The following USP42 variants were observed in gnomAD, a reference collection of about 807,000 sequenced individuals.
The protein encoded by USP42 is ubiquitin specific peptidase 42, also known as ubiquitin carboxyl-terminal hydrolase 42.
In USP42, 23 loss-of-function variants were observed where a neutral mutation model predicts 113.0. That is an observed-to-expected ratio of 0.20 (90% CI 0.15 to 0.29). USP42 has a LOEUF of 0.29. Ranked by LOEUF, USP42 falls within the 10% of genes least tolerant of loss-of-function variation. USP42 has a pLI of 1.00. For missense variants in USP42, 2,174 were observed against 1,779.8 expected (o/e 1.22, Z -3.99); for synonymous variants, 933 against 699.0 (o/e 1.33, Z -5.28).
chr7:6,085,736 T>A, the USP42 span, among the ~76,000 whole-genome samples: 1 of 150,582 alleles, frequency 6.6e-6, no homozygotes, highest in South Asian at 2.1e-4. Context: ...TGCCTCAGCT[T>A]CCTGAGTATC....
In USP42 at chr7:6,156,701, C is replaced by T. The variant is rs550282394; in HGVS notation, c.3642-53C>T. ...TGGAAAGGCCAAGCTCCAGGGTCTG[C>T]TGCTGGTGGTTTTGTGTTTTAGGGT... is the stretch of plus-strand genomic sequence containing the variant. On this transcript the variant is annotated intron_variant, in intron 15 of 17. Coordinates refer to ENST00000306177, the MANE Select transcript of USP42 (RefSeq NM_032172.3). 25 of 1,482,704 alleles carry T rather than the reference C, an allele frequency of 1.7e-5. No homozygotes were observed. In the South Asian group the frequency reaches 3.5e-4, roughly 21 times the overall value. 91.8% of individuals were successfully genotyped at this position (1,482,704 alleles called of 1,614,324 possible).
At chr7:6,114,674 ATATATTTTTTTTTTTT>A (rs1401696094) in intron 2 of USP42, among the ~76,000 whole-genome samples, 12 of 34,812 alleles carry the variant, frequency 3.4e-4, no homozygotes, top group African/African-American at 5.8e-4. Flanking sequence ...ATATATATAT[ATATATTTTTTTTTTTT>A]TTTTTTTTTT....
rs947475281 is a variant in USP42 at position 6,159,349 on chromosome 7, G to T, written c.3944-101G>T. 1 of 1,510,244 alleles carries T rather than the reference G, an allele frequency of 6.6e-7. No homozygotes were observed. The highest frequency in any genetic ancestry group is 9.1e-7 in the Non-Finnish European group (1 of 1,095,498). The allele number at this position is 1,510,244 out of a possible 1,614,324, so 93.6% of individuals were successfully genotyped here. A position where few individuals can be genotyped will look rare whatever the true frequency, so the allele number is the denominator to read the frequency against. ...TGGCCTCAGGCGCTCACAGGGAACC[G>T]CAGTGACTCTGACCATAGCCACTTA... On this transcript the variant is annotated intron_variant, in intron 16 of 17. Coordinates refer to ENST00000306177, the MANE Select transcript of USP42 (RefSeq NM_032172.3). This position sits in a 1 kb window ranked among gnomAD's most constrained non-coding sequence, Gnocchi z 4.1.
At chr7:6,148,185 A>G (rs938048971) in intron 12 of USP42, among the ~76,000 whole-genome samples, 1 of 152,102 alleles carries the variant, frequency 6.6e-6, no homozygotes, top group Non-Finnish European at 1.5e-5. Flanking sequence ...AAAAAATACA[A>G]GTATCAGCCG....
intron 3 of USP42, among the ~76,000 whole-genome samples, chr7:6,129,276 C>A (rs62454270): frequency 0.021 from 3,219 of 152,262 alleles, 52 homozygotes; most frequent in Middle Eastern, 0.034. Context: ...TTCTTCTAGG[C>A]CAGGCGTGGT....
At chr7:6,149,320 C>G in intron 12 of USP42, among the ~76,000 whole-genome samples, 1 of 152,150 alleles carries the variant, frequency 6.6e-6, no homozygotes, top group East Asian at 1.9e-4. Flanking sequence ...AGATCTGGGA[C>G]AGAACGAGTT....
chr7:6,130,449 C>G (rs919854370), intron 3 of USP42, among the ~76,000 whole-genome samples: 3 of 151,810 alleles, frequency 2.0e-5, no homozygotes, highest in African/African-American at 7.3e-5. Flanking sequence ...GCTGGGGAGG[C>G]CATAGTGGTG....
rs1781514168 is a variant in USP42, at chr7:6,142,963, A to G, written c.827A>G (p.Gln276Arg). 1 of 1,613,900 alleles carries G rather than the reference A, an allele frequency of 6.2e-7. No individual in the cohort carries two copies. Among genetic ancestry groups the G allele is most frequent in the Admixed American group, 1.7e-5 (1 of 60,004 alleles). The change falls in exon 8 of 18, where the codon CAG becomes CGG. Residue 276 changes from glutamine to arginine, a missense_variant. By Grantham distance (43) the Gln-to-Arg change is conservative. Transcript: ENST00000306177. ...CAGAGTGTCAACAAGGCATTGGAGC[A>G]GTTTGTGAAGCCGGAACAGCTTGAT... is the stretch of plus-strand genomic sequence containing the variant. ...AAQSVNKALE[Q>R]FVKPEQLDGE...
intron 1 of USP42, among the ~76,000 whole-genome samples, chr7:6,105,567 G>A (rs1327800195): frequency 2.0e-5 from 3 of 148,598 alleles, no homozygotes; most frequent in African/African-American, 2.5e-5. Context: ...CAGAGGCAAA[G>A]TTTTCCCACC....
intron 3 of USP42, among the ~76,000 whole-genome samples, chr7:6,127,517 G>A (rs73675833): frequency 2.6e-5 from 4 of 151,814 alleles, no homozygotes; most frequent in African/African-American, 4.8e-5. Flanking sequence ...TTGCTCCAGC[G>A]TCATTTTCTT....
At chr7:6,084,671 A>T in the USP42 span, 1 of 150,420 alleles carries the variant, frequency 6.6e-6, no homozygotes, top group African/African-American at 2.5e-5. Context: ...GATATTTCTC[A>T]GGTCTCTTTT....
chr7:6,132,362 T>C (rs961259048), intron 3 of USP42, among the ~76,000 whole-genome samples: 1 of 152,300 alleles, frequency 6.6e-6, no homozygotes, highest in Admixed American at 6.5e-5. Context: ...TTGTTTTGTT[T>C]CTTGTGTTTT....
At chr7:6,122,515 G>T (rs1051726106) in intron 3 of USP42, among the ~76,000 whole-genome samples, 1 of 152,016 alleles carries the variant, frequency 6.6e-6, no homozygotes, top group Non-Finnish European at 1.5e-5. Context: ...CTGTTGCCAC[G>T]CTGGAGTGCA....
intron 17 of USP42, 65 bp from the exon 18 acceptor site, chr7:6,160,490 G>A (rs950355870): frequency 2.0e-5 from 3 of 152,064 alleles, no homozygotes; most frequent in Admixed American, 6.6e-5. Context: ...CAGGGCGTCC[G>A]GGAATAAGCC....
In USP42 at chr7:6,150,285, A is replaced by G. The variant is rs764835630; in HGVS notation, c.2089A>G (p.Asn697Asp). 2.5e-6 allele frequency: 4 copies of G among 1,613,226 alleles called. No homozygotes were observed. Among genetic ancestry groups the G allele is most frequent in the African/African-American group, 1.3e-5 (1 of 75,048 alleles). Residue 697 changes from asparagine to aspartate, a missense_variant, in exon 13 of 18, where the codon AAC becomes GAC. Asn to Asp is a conservative substitution (Grantham distance 23). Coordinates refer to ENST00000306177, the MANE Select transcript of USP42 (RefSeq NM_032172.3). ...CTCAGAAAATCCCTTTGCTAAGGCA[A>G]ACGGTCTTCCTGGAAAGGTGAGTGC... ...LHSENPFAKANGLPGKLMPAP... is the reference protein window; with the variant it reads ...LHSENPFAKADGLPGKLMPAP...
chr7:6,133,848 C>T (rs1163564723), intron 3 of USP42, among the ~76,000 whole-genome samples: 5 of 150,932 alleles, frequency 3.3e-5, no homozygotes, highest in Non-Finnish European at 5.9e-5. Flanking sequence ...TTGTACTCTT[C>T]ATGTGTATAA....
At position 6,154,271 on chromosome 7, in the gene USP42, TGGCCCC is replaced by T; in HGVS notation, c.2722_2727del (p.Pro908_Ala909del). 6.3e-7 allele frequency: 1 copy of T among 1,599,724 alleles called. No individual in the cohort carries two copies. The highest frequency in any genetic ancestry group is 2.3e-5 in the East Asian group (1 of 44,188). On this transcript the variant is annotated inframe_deletion, in exon 15 of 18. Transcript: ENST00000306177. ...CGGCCGCCAGCTCCTGTGCTGGACA[TGGCCCC>T]GGCCGGTCACCCGGAAGGGGACGCT...
At position 6,159,625 on chromosome 7, in the gene USP42, C is replaced by T. The variant is rs59486546; in HGVS notation, c.*36+132C>T. On this transcript the variant is annotated intron_variant, in intron 17 of 17. Transcript: ENST00000306177. The surrounding 1 kb of genome is among the most constrained non-coding windows in gnomAD (Gnocchi z 4.1). Reference sequence around the variant, plus strand: ...AGTTGGCAGAGCCATGGAGAGGCCCCGGCAGGTTCCCAGCCAGCCCAGACC... The same window carrying T: ...AGTTGGCAGAGCCATGGAGAGGCCCTGGCAGGTTCCCAGCCAGCCCAGACC... 111,599 of 889,826 alleles carry T rather than the reference C, an allele frequency of 0.13. 9,036 individuals are homozygous for T. Among genetic ancestry groups the T allele is most frequent in the African/African-American group, 0.32 (18,966 of 59,008 alleles). 55.1% of individuals were successfully genotyped at this position (889,826 alleles called of 1,614,324 possible).
At chr7:6,133,010 C>G (rs558509078) in intron 3 of USP42, among the ~76,000 whole-genome samples, 1 of 152,266 alleles carries the variant, frequency 6.6e-6, no homozygotes, top group Admixed American at 6.5e-5. Flanking sequence ...AGATTTTTAT[C>G]ACTGGTTGTA....
Sources: gnomAD v4.1 joint callset for allele counts (sites outside exome capture counted in the v4.1 genomes callset) on GRCh38, gnomAD v4.1.1 for gene constraint, Gnocchi (gnomAD v3.1) non-coding constraint, MANE v1.5 for transcripts, NCBI Gene and HGNC (gene_info 2026-07-23, HGNC 2026-07-21) for gene names.